Variants in EML6 observed in about 807,000 individuals in gnomAD.
EML6 encodes the protein echinoderm microtubule-associated protein-like 6.
EML6 carries 154 observed loss-of-function variants against 240.1 expected under a neutral mutation model. That is an observed-to-expected ratio of 0.64 (90% CI 0.56 to 0.73). EML6 has a LOEUF of 0.73. EML6 is among the 30% of genes least tolerant of loss of function. The pLI is 0.00. For synonymous variants in EML6, 1,148 were observed against 899.0 expected (o/e 1.28, Z -4.95); for missense variants, 2,964 against 2,474.6 (o/e 1.20, Z -4.20).
intron 5 of EML6, among the ~76,000 whole-genome samples, chr2:54,823,533 G>C (rs1169640800): frequency 6.6e-6 from 1 of 152,164 alleles, no homozygotes; most frequent in African/African-American, 2.4e-5. Context: ...GGGTTCCTTA[G>C]CAATGTTTTA....
intron 24 of EML6, among the ~76,000 whole-genome samples, chr2:54,910,303 G>A (rs1003127124): frequency 2.0e-5 from 3 of 152,212 alleles, no homozygotes; most frequent in African/African-American, 7.2e-5. Flanking sequence ...GCCATTGTAG[G>A]AGGAGAATTA....
chr2:54,928,774 T>G, intron 28 of EML6, 23 bp downstream of exon 28: 1 of 1,551,620 alleles, frequency 6.4e-7, no homozygotes, highest in Non-Finnish European at 8.7e-7. Context: ...CAGGTTTGCT[T>G]GCTTTTATTA....
intron 2 of EML6, among the ~76,000 whole-genome samples, chr2:54,767,422 A>C (rs1668227003): frequency 6.6e-6 from 1 of 152,210 alleles, no homozygotes; most frequent in Non-Finnish European, 1.5e-5. Flanking sequence ...TGGATAGTAT[A>C]CTTTTATTTT....
chr2:54,752,575 A>T lies in EML6; in HGVS notation c.197+27317A>T, dbSNP rs563723298. On this transcript the variant is annotated intron_variant, in intron 2 of 41. Transcript: ENST00000356458. ...TATGTTCTCTTTTGTGTGGGGCTGA[A>T]TTATTCAACATTTGTCAATGAAATT... 1.1e-4 allele frequency among the ~76,000 whole-genome samples: 16 copies of T among 152,316 alleles called. 1 individual carries two copies. In the South Asian group the frequency reaches 3.3e-3, roughly 32 times the overall value.
At chr2:54,899,616 T>C in intron 21 of EML6, 25 bp from the exon 22 acceptor site, 2 of 1,550,534 alleles carry the variant, frequency 1.3e-6, no homozygotes, top group Non-Finnish European at 1.7e-6. Context: ...GTAGAGTTTA[T>C]GTTGCCCCTT....
At chr2:54,836,571 C>T (rs1383473290) in intron 7 of EML6, among the ~76,000 whole-genome samples, 4 of 152,136 alleles carry the variant, frequency 2.6e-5, no homozygotes, top group African/African-American at 4.8e-5. Flanking sequence ...AGGGTCAGTG[C>T]TGAATGCCCA....
intron 18 of EML6, 115 bp from the exon 19 acceptor site, chr2:54,892,339 T>A: frequency 3.0e-6 from 2 of 659,682 alleles, no homozygotes; most frequent in Non-Finnish European, 5.3e-6. Context: ...CTTTTAGACA[T>A]CTTTACATAA....
At chr2:54,836,570 G>A (rs1277284212) in intron 7 of EML6, among the ~76,000 whole-genome samples, 2 of 152,130 alleles carry the variant, frequency 1.3e-5, no homozygotes, top group African/African-American at 2.4e-5. Context: ...CAGGGTCAGT[G>A]CTGAATGCCC....
intron 3 of EML6, among the ~76,000 whole-genome samples, chr2:54,816,283 C>T (rs1668079303): frequency 6.6e-6 from 1 of 152,116 alleles, no homozygotes; most frequent in Non-Finnish European, 1.5e-5. Context: ...ATTACTTCTA[C>T]TTAGATTATA....
At chr2:54,940,106 A>G (rs1675354032) in intron 28 of EML6, among the ~76,000 whole-genome samples, 1 of 152,196 alleles carries the variant, frequency 6.6e-6, no homozygotes, top group Non-Finnish European at 1.5e-5. Flanking sequence ...GCCTTTTATA[A>G]ATGGTGGTGC....
At chr2:54,917,034 T>A (rs1673953714) in intron 26 of EML6, 99 bp downstream of exon 26, 1 of 874,082 alleles carries the variant, frequency 1.1e-6, no homozygotes, top group East Asian at 2.7e-5. Context: ...TCATAAGCAA[T>A]TCACATTATC....
At chr2:54,791,495 C>G (rs1669451509) in intron 2 of EML6, among the ~76,000 whole-genome samples, 1 of 152,212 alleles carries the variant, frequency 6.6e-6, no homozygotes, top group Non-Finnish European at 1.5e-5. Context: ...TGTTGGAGTT[C>G]ACCAGCAATG....
chr2:54,871,463 G>A (rs780445307), intron 15 of EML6, 37 bp from the exon 16 acceptor site: 58 of 1,427,006 alleles, frequency 4.1e-5, no homozygotes, highest in East Asian at 9.9e-5. Flanking sequence ...TTAGTATAAC[G>A]TGTTAGTAGT....
chr2:54,778,972 A>G (rs944212968), intron 2 of EML6, among the ~76,000 whole-genome samples: 2 of 152,032 alleles, frequency 1.3e-5, no homozygotes, highest in South Asian at 2.1e-4. Context: ...CTTTCCTTAC[A>G]CTCTTTACAA....
At chr2:54,771,303 G>A (rs1215971839) in intron 2 of EML6, among the ~76,000 whole-genome samples, 4 of 152,162 alleles carry the variant, frequency 2.6e-5, no homozygotes, top group Non-Finnish European at 4.4e-5. Context: ...TTCTCATCAC[G>A]CTCATTCTCT....
chr2:54,813,120 T>G, intron 2 of EML6, 112 bp from the exon 3 acceptor site: 1 of 771,106 alleles, frequency 1.3e-6, no homozygotes, highest in Non-Finnish European at 2.1e-6. Flanking sequence ...GTTCAGACTC[T>G]TTCTCTTGAG....
At chr2:54,741,453 C>T (rs67514855) in intron 2 of EML6, among the ~76,000 whole-genome samples, 22,721 of 152,016 alleles carry the variant, frequency 0.15, 1,780 homozygotes, top group Middle Eastern at 0.18. Flanking sequence ...TAAGTACACA[C>T]GCACACACAC....
intron 2 of EML6, among the ~76,000 whole-genome samples, chr2:54,788,410 T>C (rs1269011665): frequency 1.3e-5 from 2 of 152,260 alleles, no homozygotes; most frequent in Non-Finnish European, 2.9e-5. Context: ...GCTGCCACTA[T>C]AACCGAGTTT....
chr2:54,966,216 A>G (rs1009960975), intron 38 of EML6, among the ~76,000 whole-genome samples: 2 of 152,260 alleles, frequency 1.3e-5, no homozygotes, highest in Non-Finnish European at 2.9e-5. Flanking sequence ...GCATGTAACA[A>G]GGTGCTGAAT....
Sources: allele counts gnomAD v4.1 joint callset (sites outside exome capture counted in the v4.1 genomes callset), GRCh38; gene constraint gnomAD v4.1.1; transcripts MANE v1.5; gene names NCBI Gene and HGNC (gene_info 2026-07-23, HGNC 2026-07-21).